Variants in OXTR observed in about 807,000 individuals in gnomAD.
OXTR encodes the protein oxytocin receptor.
A neutral mutation model predicts 23.9 loss-of-function variants in OXTR; 19 were observed. The observed-to-expected ratio is 0.80, with a 90% CI of 0.56 to 1.17. The LOEUF (loss-of-function observed/expected upper bound fraction) is 1.17. Among genes scored for constraint, OXTR ranks in the 50% most tolerant of loss-of-function variants. OXTR has a pLI of 0.00. For missense variants in OXTR, 500 were observed against 550.7 expected, an observed-to-expected ratio of 0.91 and a Z score of 0.92; for synonymous variants, 278 against 250.5, an observed-to-expected ratio of 1.11 and a Z score of -1.04.
At chr3:8,749,268 G>T (rs977092040), downstream of OXTR, among the ~76,000 whole-genome samples, 3 of 152,098 alleles carry the variant, frequency 2.0e-5, no homozygotes, top group African/African-American at 7.2e-5. Flanking sequence ...AGACTCCTGC[G>T]CCATAATAAG....
chr3:8,756,056 C>G (rs1708366780), intron 3 of OXTR, among the ~76,000 whole-genome samples: 1 of 152,156 alleles, frequency 6.6e-6, no homozygotes, highest in Admixed American at 6.5e-5. Flanking sequence ...TAGGGAGCCA[C>G]TGATGGTTAC....
rs1279073369 is a variant in OXTR, at chr3:8,767,815, C to A, written c.373G>T (p.Ala125Ser). 2 of 1,610,408 alleles carry A rather than the reference C, an allele frequency of 1.2e-6. No individual in the cohort carries two copies. The highest frequency in any genetic ancestry group is 1.7e-6 in the Non-Finnish European group (2 of 1,178,468). Residue 125 changes from alanine (A) to serine (S), a missense_variant, in exon 3 of 4, where the codon GCC becomes TCC. Physicochemically the swap from Ala to Ser is moderately conservative, Grantham distance 99 (BLOSUM62 1). Transcript: ENST00000316793. ...VKYLQVVGMF[A>S]STYLLLLMSL... is the part of the protein sequence containing the mutation. ...ATGAGCAGCAGCAGGTAGGTGGAGG[C>A]GAACATGCCCACCACCTGCAAGTAC...
Position 8,767,479 on chromosome 3 carries a change from C to CA in OXTR, c.708dup (p.Ala237CysfsTer172). The CA allele has an allele frequency of 6.2e-7, 1 of 1,606,270 alleles. No individual in the cohort carries two copies. The highest frequency in any genetic ancestry group is 8.5e-7 in the Non-Finnish European group (1 of 1,176,420). On this transcript the variant is annotated frameshift_variant, in exon 3 of 4. Transcript: ENST00000316793. LOFTEE classifies it high-confidence loss of function. The stretch of plus-strand genomic sequence containing the variant: ...TCTGGCGCCTCGGCCGCCGCCGCTG[C>CA]AGCGGTCTTGAGCCGCAAGTTCTGC...
At chr3:8,746,460 T>TAC (rs1708165457), downstream of OXTR, 1 of 152,790 alleles carries the variant, frequency 6.5e-6, no homozygotes, top group Non-Finnish European at 1.5e-5. Flanking sequence ...GCTGGAACCG[T>TAC]ACACGTTCCT....
downstream of OXTR, chr3:8,745,821 G>C (rs1263071018): frequency 6.2e-7 from 1 of 1,613,566 alleles, no homozygotes; most frequent in Non-Finnish European, 8.5e-7. The surrounding 1 kb of genome is among the most constrained non-coding windows in gnomAD (Gnocchi z 4.8). Flanking sequence ...GCGGCCCTGG[G>C]CCAGGTCTGC....
the OXTR span, chr3:8,742,559 C>G: frequency 4.4e-6 from 2 of 451,632 alleles, no homozygotes; most frequent in African/African-American, 4.0e-5. Context: ...TCCGGGATGT[C>G]AAAAGAATTT....
rs773149096 is a variant in OXTR at position 8,768,101 on chromosome 3, G to C, written c.87C>G (p.Ala29=). 2.8e-6 allele frequency: 4 copies of C among 1,431,550 alleles called. No individual in the cohort carries two copies. Among genetic ancestry groups the C allele is most frequent in the Admixed American group, 5.6e-5 (2 of 35,884 alleles). The allele number at this position is 1,431,550 out of a possible 1,614,324, so 88.7% of individuals were successfully genotyped here. The change falls in exon 3 of 4, where the codon GCC becomes GCG. Residue 29 remains alanine (A), a synonymous_variant. Transcript: ENST00000316793. This position sits in a 1 kb window ranked among gnomAD's most constrained non-coding sequence, Gnocchi z 5.4. The part of the protein sequence containing the change: ...APPGAEGNRT[A]GPPRRNEALA... ...GGGCCTCGTTGCGCCGCGGGGGTCC[G>C]GCGGTGCGGTTGCCCTCGGCCCCCG...
At position 8,767,522 on chromosome 3, in the gene OXTR, AAGGCCGTAGC is replaced by A. The variant is rs1234610960; in HGVS notation, c.656_665del (p.Cys219LeufsTer55). 3.1e-6 allele frequency: 5 copies of A among 1,612,842 alleles called. No homozygotes were observed. In the East Asian group the frequency reaches 1.1e-4, roughly 36 times the overall value. On this transcript the variant is annotated frameshift_variant, in exon 3 of 4. Transcript: ENST00000316793. LOFTEE classifies it high-confidence loss of function. ...AGTTCTGCCAGATCTTGAAGCTGAT[AAGGCCGTAGC>A]AGGCAGCGAGCACGATGACCGGCAC...
downstream of OXTR, chr3:8,746,895 G>C (rs922754147): frequency 5.9e-5 from 9 of 151,904 alleles, no homozygotes; most frequent in Non-Finnish European, 1.3e-4. Context: ...GAAAGGATGG[G>C]GATGGGTGTT....
At position 8,750,834 on chromosome 3, in the gene OXTR, T is replaced by C. The variant is rs1030997885; in HGVS notation, c.*2143A>G. 2 of 152,264 alleles carry C rather than the reference T, an allele frequency of 1.3e-5. No individual in the cohort carries two copies. The highest frequency in any genetic ancestry group is 2.9e-5 in the Non-Finnish European group (2 of 68,048). The allele number at this position is 152,264 out of a possible 1,614,324, so 9.4% of individuals were successfully genotyped here. On this transcript the variant is annotated 3_prime_UTR_variant, in exon 4 of 4. Transcript: ENST00000316793. Reference sequence around the variant, plus strand: ...TTTTGGCTATTACAAATAATGTTGCTATGAACATTGGTGTACAAGTTTTTG... The same window carrying C: ...TTTTGGCTATTACAAATAATGTTGCCATGAACATTGGTGTACAAGTTTTTG...
chr3:8,766,685 G>A (rs1370342353), intron 3 of OXTR, among the ~76,000 whole-genome samples: 1 of 152,070 alleles, frequency 6.6e-6, no homozygotes. Flanking sequence ...CCTCTCCCTT[G>A]GACTCCTCTG....
At chr3:8,743,420 G>A in the OXTR span, among the ~76,000 whole-genome samples, 1 of 152,064 alleles carries the variant, frequency 6.6e-6, no homozygotes, top group Non-Finnish European at 1.5e-5. Context: ...CCTCCTGGAA[G>A]CCCTCCAAGA....
chr3:8,761,247 G>A (rs549969986), intron 3 of OXTR, among the ~76,000 whole-genome samples: 1 of 152,238 alleles, frequency 6.6e-6, no homozygotes, highest in African/African-American at 2.4e-5. Flanking sequence ...TATAGAACTG[G>A]TGGACACAGG....
downstream of OXTR, chr3:8,750,319 CAT>C (rs1708230216): frequency 6.6e-6 from 1 of 152,180 alleles, no homozygotes; most frequent in African/African-American, 2.4e-5. Flanking sequence ...CAGTGAGCCA[CAT>C]AGAGAAACAA....
intron 3 of OXTR, among the ~76,000 whole-genome samples, chr3:8,758,845 C>T (rs796730003): frequency 2.0e-5 from 3 of 152,288 alleles, no homozygotes; most frequent in African/African-American, 4.8e-5. Context: ...TTCCTGCAAA[C>T]GACCAGCCCT....
Position 8,764,839 on chromosome 3 carries a change from C to T in OXTR, c.922+2427G>A, listed in dbSNP as rs147796195. Among the ~76,000 whole-genome samples, 927 of 152,290 alleles carry T rather than the reference C, an allele frequency of 6.1e-3. 8 individuals carry two copies. The South Asian group carries it at 0.066, about 11-fold the overall frequency. Reference sequence around the variant, plus strand: ...CTGCAGCAGCATCATGAATCCCTGCCGGTCTGTGTTTGGATTCTTCTCAGT... The same window carrying T: ...CTGCAGCAGCATCATGAATCCCTGCTGGTCTGTGTTTGGATTCTTCTCAGT... On this transcript the variant is annotated intron_variant, in intron 3 of 3. Coordinates refer to ENST00000316793, the MANE Select transcript of OXTR (RefSeq NM_000916.4).
In OXTR at chr3:8,757,667, G is replaced by A. The variant is rs73810974; in HGVS notation, c.923-4443C>T. Among the ~76,000 whole-genome samples the A allele has an allele frequency of 4.2e-3, 643 of 152,192 alleles. 4 individuals are homozygous for A. The highest frequency in any genetic ancestry group is 0.015 in the African/African-American group (619 of 41,528). ...TTTCCTGCCATAAAAATCACATCTT[G>A]CCCCACGATCGAGTCCTGAGCGTGT... On this transcript the variant is annotated intron_variant, in intron 3 of 3. Coordinates refer to ENST00000316793, the MANE Select transcript of OXTR (RefSeq NM_000916.4).
Position 8,768,119 on chromosome 3 carries a change from G to C in OXTR, c.69C>G (p.Ala23=). ...GGGGTCCGGCGGTGCGGTTGCCCTC[G>C]GCCCCCGGCGGCGCGGCGCTGGCGT... The part of the protein sequence containing the change: ...AANASAAPPG[A]EGNRTAGPPR... The change falls in exon 3 of 4, where the codon GCC becomes GCG. Residue 23 remains alanine, a synonymous_variant. Transcript: ENST00000316793. The surrounding 1 kb of genome is among the most constrained non-coding windows in gnomAD (Gnocchi z 5.4). 1.5e-6 allele frequency: 2 copies of C among 1,362,648 alleles called. No individual in the cohort carries two copies. Among genetic ancestry groups the C allele is most frequent in the Non-Finnish European group, 1.9e-6 (2 of 1,065,530 alleles). The allele number at this position is 1,362,648 out of a possible 1,614,324, so 84.4% of individuals were successfully genotyped here.
intron 3 of OXTR, among the ~76,000 whole-genome samples, chr3:8,760,618 A>G (rs898347851): frequency 2.6e-4 from 39 of 152,186 alleles, no homozygotes; most frequent in African/African-American, 8.7e-4. Flanking sequence ...TGCACTGCAA[A>G]GCTCCTAGGA....
Sources: gnomAD v4.1 joint callset for allele counts (sites outside exome capture counted in the v4.1 genomes callset) on GRCh38, gnomAD v4.1.1 for gene constraint, Gnocchi (gnomAD v3.1) non-coding constraint, MANE v1.5 for transcripts, NCBI Gene and HGNC (gene_info 2026-07-23, HGNC 2026-07-21) for gene names.